The following PPA1 variants were observed in gnomAD, a reference collection of about 807,000 sequenced individuals.
PPA1 encodes inorganic pyrophosphatase.
A neutral mutation model predicts 41.8 loss-of-function variants in PPA1; 23 were observed. The observed-to-expected ratio is 0.55, with a 90% CI of 0.40 to 0.78. PPA1 has a LOEUF of 0.78. Ranked by LOEUF, PPA1 falls within the 30% of genes least tolerant of loss-of-function variation. PPA1 has a pLI of 0.00. For synonymous variants in PPA1, 101 were observed against 116.8 expected (o/e 0.86, Z 0.87); for missense variants, 320 against 361.6 (o/e 0.89, Z 0.93).
chr10:70,218,694 T>G (rs894354360), intron 3 of PPA1, 70 bp downstream of exon 3: 1 of 1,250,888 alleles, frequency 8.0e-7, no homozygotes, highest in Non-Finnish European at 1.2e-6. Flanking sequence ...GGTTCATCCT[T>G]GATCAAGTCA....
chr10:70,213,318 C>T, intron 6 of PPA1, 145 bp downstream of exon 6: 1 of 946,322 alleles, frequency 1.1e-6, no homozygotes, highest in Non-Finnish European at 1.5e-6. Context: ...CAAGTGCAGT[C>T]ATAGAAATAA....
At chr10:70,224,554 CAGT>C (rs1474890285) in intron 2 of PPA1, among the ~76,000 whole-genome samples, 1 of 152,134 alleles carries the variant, frequency 6.6e-6, no homozygotes, top group African/African-American at 2.4e-5. Context: ...TGGACCAAGT[CAGT>C]AGTCTGACAA....
At chr10:70,216,348 G>A (rs10999192) in intron 4 of PPA1, among the ~76,000 whole-genome samples, 6,891 of 152,088 alleles carry the variant, frequency 0.045, 336 homozygotes, top group African/African-American at 0.12. Context: ...TTAGCTGGGC[G>A]TGGTGGTAGG....
intron 6 of PPA1, chr10:70,210,424 A>G (rs768934010): frequency 9.5e-6 from 13 of 1,364,342 alleles, no homozygotes; most frequent in Non-Finnish European, 1.3e-5. Flanking sequence ...TACATACTAA[A>G]AGATAAGAAA....
chr10:70,205,190 C>T (rs1357493886), intron 9 of PPA1: 1 of 211,772 alleles, frequency 4.7e-6, no homozygotes, highest in East Asian at 1.0e-4. Flanking sequence ...CAAGACCAGC[C>T]TGGCCAAGAT....
At chr10:70,220,045 A>T (rs1457334274) in intron 2 of PPA1, among the ~76,000 whole-genome samples, 3 of 151,810 alleles carry the variant, frequency 2.0e-5, no homozygotes, top group Non-Finnish European at 4.4e-5. Context: ...CTACTGTCTC[A>T]GCCTCCTGAG....
At chr10:70,215,327 T>G (rs1414701016) in intron 4 of PPA1, among the ~76,000 whole-genome samples, 1 of 152,186 alleles carries the variant, frequency 6.6e-6, no homozygotes, top group Non-Finnish European at 1.5e-5. Flanking sequence ...TGGGCTCAAG[T>G]GATCCTCCCA....
chr10:70,211,746 G>C (rs1454511215), intron 6 of PPA1, among the ~76,000 whole-genome samples: 1 of 152,052 alleles, frequency 6.6e-6, no homozygotes, highest in African/African-American at 2.4e-5. Flanking sequence ...AGAGTGATGG[G>C]CTTGGCTTCA....
At chr10:70,224,245 A>C (rs1840205025) in intron 2 of PPA1, among the ~76,000 whole-genome samples, 2 of 101,020 alleles carry the variant, frequency 2.0e-5, no homozygotes, top group Non-Finnish European at 4.1e-5. Context: ...CCCTGTCTCT[A>C]CAAAAAAAAA....
intron 1 of PPA1, among the ~76,000 whole-genome samples, chr10:70,230,943 C>A (rs1840284371): frequency 6.6e-6 from 1 of 152,188 alleles, no homozygotes; most frequent in Non-Finnish European, 1.5e-5. Context: ...ACTGAGGACA[C>A]AAAAGGCGAT....
At chr10:70,204,504 T>G (rs1356514106) in intron 10 of PPA1, 2 of 183,928 alleles carry the variant, frequency 1.1e-5, no homozygotes, top group African/African-American at 4.7e-5. Context: ...GAGAGTAGAA[T>G]GGTGGTTGCC....
At chr10:70,220,864 T>C (rs868008323) in intron 2 of PPA1, among the ~76,000 whole-genome samples, 14 of 43,212 alleles carry the variant, frequency 3.2e-4, no homozygotes, top group African/African-American at 6.0e-4. Flanking sequence ...ATAATTCTTA[T>C]ATATATAATA....
At chr10:70,222,155 G>C (rs184527418) in intron 2 of PPA1, among the ~76,000 whole-genome samples, 1 of 151,932 alleles carries the variant, frequency 6.6e-6, no homozygotes, top group East Asian at 1.9e-4. Context: ...CTAACACAGT[G>C]AAAAACCGTG....
At chr10:70,232,334 T>C (rs1170608550) in intron 1 of PPA1, among the ~76,000 whole-genome samples, 5 of 152,166 alleles carry the variant, frequency 3.3e-5, no homozygotes, top group African/African-American at 9.7e-5. Context: ...GTGACACATT[T>C]ACGAACGCCT....
chr10:70,215,976 G>T (rs778177258), intron 4 of PPA1, among the ~76,000 whole-genome samples: 2 of 152,178 alleles, frequency 1.3e-5, no homozygotes, highest in Non-Finnish European at 1.5e-5. Flanking sequence ...AAATGTAGCT[G>T]TTGCATTGGT....
At chr10:70,207,389 A>G (rs7903396) in intron 8 of PPA1, among the ~76,000 whole-genome samples, 113,336 of 152,112 alleles carry the variant, frequency 0.75, 42,572 homozygotes, top group Non-Finnish European at 0.79. Context: ...TTTCTAGACT[A>G]GGCATGGTGG....
At chr10:70,219,459 A>G (rs1397969603) in intron 2 of PPA1, among the ~76,000 whole-genome samples, 1 of 152,142 alleles carries the variant, frequency 6.6e-6, no homozygotes, top group Non-Finnish European at 1.5e-5. Flanking sequence ...AAGTCAGACT[A>G]ATTACTTGAT....
At chr10:70,204,103 A>G (rs535290387) in intron 10 of PPA1, 1 of 152,422 alleles carries the variant, frequency 6.6e-6, no homozygotes, top group South Asian at 2.1e-4. Flanking sequence ...CTTTGGGAGG[A>G]CAAGGTAGGT....
At position 70,218,066 on chromosome 10, in the gene PPA1, A is replaced by C. The variant is rs578073363; in HGVS notation, c.178-135T>G. 3.1e-5 allele frequency: 24 copies of C among 786,342 alleles called. No homozygotes were observed. In the East Asian group the frequency reaches 6.8e-4, roughly 22 times the overall value. 48.7% of individuals were successfully genotyped at this position (786,342 alleles called of 1,614,324 possible). A position where few individuals can be genotyped will look rare whatever the true frequency, so the allele number is the denominator to read the frequency against. On this transcript the variant is annotated intron_variant, in intron 3 of 10. Coordinates refer to ENST00000373232, the MANE Select transcript of PPA1 (RefSeq NM_021129.4). Reference sequence around the variant, plus strand: ...GATATATTTTATCCCTAACACTTTTATAATTGAACTAAGGTGTTTCCATAA... The same window carrying C: ...GATATATTTTATCCCTAACACTTTTCTAATTGAACTAAGGTGTTTCCATAA...
Sources: gnomAD v4.1 joint callset for allele counts (sites outside exome capture counted in the v4.1 genomes callset) on GRCh38, gnomAD v4.1.1 for gene constraint, MANE v1.5 for transcripts, NCBI Gene and HGNC (gene_info 2026-07-23, HGNC 2026-07-21) for gene names.